Variants in ESRRG observed in about 807,000 individuals in gnomAD.
ESRRG encodes estrogen-related receptor gamma.
In ESRRG, 13 loss-of-function variants were observed where a neutral mutation model predicts 44.0. The ratio of observed to expected loss-of-function variants is 0.30; its 90% confidence interval spans 0.19 to 0.47. The LOEUF (loss-of-function observed/expected upper bound fraction) is 0.47. Among genes scored for constraint, ESRRG ranks in the 20% least tolerant of loss-of-function variants. ESRRG has a pLI of 1.00. For synonymous variants in ESRRG, 215 were observed against 214.6 expected, an observed-to-expected ratio of 1.00 and a Z score of -0.02; for missense variants, 395 against 580.6, an observed-to-expected ratio of 0.68 and a Z score of 3.29.
chr1:217,040,811 C>G (rs755574589), intron 1 of ESRRG, among the ~76,000 whole-genome samples: 20 of 152,136 alleles, frequency 1.3e-4, no homozygotes, highest in Non-Finnish European at 2.8e-4. Flanking sequence ...ACTCTTTGTA[C>G]TTATGCTAGC....
chr1:217,017,050 T>C (rs1349383012), intron 1 of ESRRG, among the ~76,000 whole-genome samples: 1 of 152,180 alleles, frequency 6.6e-6, no homozygotes, highest in East Asian at 1.9e-4. Context: ...ATTAGGATGT[T>C]GACTTCAGCA....
At chr1:216,884,531 A>G (rs2096491101) in intron 2 of ESRRG, among the ~76,000 whole-genome samples, 1 of 152,208 alleles carries the variant, frequency 6.6e-6, no homozygotes, top group Non-Finnish European at 1.5e-5. Flanking sequence ...GAATAATCAT[A>G]TCAGCAAAGG....
chr1:216,951,495 C>A (rs911171469), intron 1 of ESRRG, among the ~76,000 whole-genome samples: 1 of 152,054 alleles, frequency 6.6e-6, no homozygotes, highest in Non-Finnish European at 1.5e-5. Context: ...ATCTTACGGG[C>A]TTGTGATAAG....
At chr1:216,967,708 T>C (rs2070757529) in intron 1 of ESRRG, among the ~76,000 whole-genome samples, 1 of 152,184 alleles carries the variant, frequency 6.6e-6, no homozygotes, top group African/African-American at 2.4e-5. Context: ...TATGTGTGCA[T>C]ATTTTTGTGT....
intron 1 of ESRRG, among the ~76,000 whole-genome samples, chr1:217,119,960 C>G (rs1385790364): frequency 6.6e-6 from 1 of 152,118 alleles, no homozygotes; most frequent in African/African-American, 2.4e-5. Context: ...GTAATAAGTA[C>G]TTGGGATACA....
intron 2 of ESRRG, among the ~76,000 whole-genome samples, chr1:216,869,706 TTAGA>T (rs2096232057): frequency 6.6e-6 from 1 of 152,036 alleles, no homozygotes; most frequent in Admixed American, 6.5e-5. Context: ...TTTATTTAGG[TTAGA>T]TAGTCTGTGA....
At chr1:216,861,797 A>T (rs1220246828) in intron 2 of ESRRG, among the ~76,000 whole-genome samples, 1 of 152,164 alleles carries the variant, frequency 6.6e-6, no homozygotes, top group Non-Finnish European at 1.5e-5. Flanking sequence ...CATAAAATCA[A>T]ATAAAAGGTT....
chr1:217,014,834 C>A (rs1452625566), intron 1 of ESRRG, among the ~76,000 whole-genome samples: 2 of 152,086 alleles, frequency 1.3e-5, no homozygotes, highest in East Asian at 3.9e-4. Flanking sequence ...CCTTTAGTAG[C>A]CTCTTGGAGA....
At chr1:216,850,212 T>C (rs2095820103) in intron 2 of ESRRG, among the ~76,000 whole-genome samples, 2 of 152,116 alleles carry the variant, frequency 1.3e-5, no homozygotes, top group Admixed American at 6.5e-5. Context: ...TCACTCCTTT[T>C]GAATTATTTC....
chr1:216,702,142 C>T lies in ESRRG; in HGVS notation c.56+21102G>A, dbSNP rs568398072. Among the ~76,000 whole-genome samples the T allele has an allele frequency of 2.0e-5, 3 of 152,220 alleles. No individual in the cohort carries two copies. The South Asian group carries it at 6.2e-4, about 32-fold the overall frequency. Reference sequence around the variant, plus strand: ...ATCTCCTTGACAAATTATAATATCTCCCTTTTAAAATTTCTTACATATAGT... The same window carrying T: ...ATCTCCTTGACAAATTATAATATCTTCCTTTTAAAATTTCTTACATATAGT... On this transcript the variant is annotated intron_variant, in intron 1 of 6. Coordinates refer to ENST00000408911, the MANE Select transcript of ESRRG (RefSeq NM_001438.4).
At chr1:216,622,300 C>T (rs2150495179) in intron 3 of ESRRG, among the ~76,000 whole-genome samples, 1 of 152,330 alleles carries the variant, frequency 6.6e-6, no homozygotes. Context: ...AGAAATTTCA[C>T]TTCCAAAGGA....
At chr1:217,020,372 A>T (rs1369116108) in intron 1 of ESRRG, among the ~76,000 whole-genome samples, 1 of 152,222 alleles carries the variant, frequency 6.6e-6, no homozygotes, top group East Asian at 1.9e-4. Context: ...CTAGAGTGCT[A>T]TTGCTTAACT....
At chr1:217,039,777 T>C (rs977897389) in intron 1 of ESRRG, among the ~76,000 whole-genome samples, 2 of 152,254 alleles carry the variant, frequency 1.3e-5, no homozygotes, top group African/African-American at 4.8e-5. Context: ...AACCTTTTGA[T>C]ATGTTTTCAA....
intron 2 of ESRRG, among the ~76,000 whole-genome samples, chr1:216,810,579 T>G (rs2094937096): frequency 6.8e-6 from 1 of 147,516 alleles, no homozygotes; most frequent in South Asian, 2.1e-4. Flanking sequence ...TTATATATAT[T>G]ATAAATTATA....
chr1:216,667,751 T>C (rs2074278423), intron 2 of ESRRG, among the ~76,000 whole-genome samples: 1 of 150,888 alleles, frequency 6.6e-6, no homozygotes, highest in Admixed American at 6.6e-5. Context: ...CTTATCCCTT[T>C]ATTAAATGTA....
At chr1:216,831,154 G>T (rs781085850) in intron 2 of ESRRG, among the ~76,000 whole-genome samples, 15 of 152,142 alleles carry the variant, frequency 9.9e-5, no homozygotes, top group Middle Eastern at 6.8e-3. Flanking sequence ...TATTTCAAAG[G>T]GGGGAGGGGA....
intron 2 of ESRRG, among the ~76,000 whole-genome samples, chr1:216,741,366 C>T (rs17043642): frequency 0.12 from 18,348 of 149,744 alleles, 1,214 homozygotes; most frequent in South Asian, 0.18. Flanking sequence ...TCCTGTGTCA[C>T]TACATGTGTG....
intron 2 of ESRRG, among the ~76,000 whole-genome samples, chr1:216,651,505 T>C (rs2068947612): frequency 6.6e-6 from 1 of 152,204 alleles, no homozygotes; most frequent in Admixed American, 6.5e-5. Context: ...ATCAGGCTTA[T>C]TGTCTTTCTG....
intron 1 of ESRRG, among the ~76,000 whole-genome samples, chr1:217,027,398 C>G (rs2081379100): frequency 6.6e-6 from 1 of 152,148 alleles, no homozygotes; most frequent in South Asian, 2.1e-4. Flanking sequence ...TACATGCATT[C>G]TTCAGCCCTT....
Sources: gnomAD v4.1 joint callset for allele counts (sites outside exome capture counted in the v4.1 genomes callset) on GRCh38, gnomAD v4.1.1 for gene constraint, MANE v1.5 for transcripts, NCBI Gene and HGNC (gene_info 2026-07-23, HGNC 2026-07-21) for gene names.